The following NCOR2 variants were observed in gnomAD, a reference collection of about 807,000 sequenced individuals.
NCOR2 encodes the protein nuclear receptor corepressor 2.
NCOR2 carries 81 observed loss-of-function variants against 262.9 expected under a neutral mutation model. The ratio of observed to expected loss-of-function variants is 0.31; its 90% CI spans 0.26 to 0.37. NCOR2 has a LOEUF of 0.37. Ranked by LOEUF, NCOR2 falls within the 10% of genes least tolerant of loss-of-function variation. The pLI is 1.00. For synonymous variants in NCOR2, 1,659 were observed against 1,559.3 expected, an observed-to-expected ratio of 1.06 and a Z score of -1.51; for missense variants, 3,385 against 3,621.4, an observed-to-expected ratio of 0.93 and a Z score of 1.68.
At chr12:124,427,932 A>ACC (rs1270402656) in intron 10 of NCOR2, among the ~76,000 whole-genome samples, 1 of 151,758 alleles carries the variant, frequency 6.6e-6, no homozygotes, top group East Asian at 1.9e-4. Flanking sequence ...ACCTCAGGTC[A>ACC]CCCCAGGCTG....
At chr12:124,349,812 C>T (rs1025138372) in intron 28 of NCOR2, among the ~76,000 whole-genome samples, 3 of 152,160 alleles carry the variant, frequency 2.0e-5, no homozygotes, top group Non-Finnish European at 4.4e-5. Context: ...CCAGGCTTCC[C>T]GCCACCCCCA....
exon 4 of NCOR2, chr12:124,472,987 C>G (rs754166329): frequency 6.2e-7 from 1 of 1,614,218 alleles, no homozygotes; most frequent in Non-Finnish European, 8.5e-7. Flanking sequence ...TGCTGCTCTA[C>G]CATGGTGATC....
At chr12:124,332,328 G>C (rs377394425) in exon 43 of NCOR2, 1 of 1,614,034 alleles carries the variant, frequency 6.2e-7, no homozygotes, top group Non-Finnish European at 8.5e-7. Context: ...CTGTATTCAG[G>C]CTCATTCCGG....
chr12:124,377,872 G>A (rs998433090), intron 18 of NCOR2, among the ~76,000 whole-genome samples: 1 of 151,696 alleles, frequency 6.6e-6, no homozygotes, highest in Admixed American at 6.6e-5. Flanking sequence ...CTTTTCCAAA[G>A]TAAATTTTTT....
chr12:124,367,189 T>C (rs2039107243), intron 20 of NCOR2, among the ~76,000 whole-genome samples: 1 of 152,080 alleles, frequency 6.6e-6, no homozygotes, highest in Non-Finnish European at 1.5e-5. Context: ...GCCCCTCACC[T>C]AGTAGGGTGT....
intron 1 of NCOR2, chr12:124,561,910 G>C (rs1228830600): frequency 6.6e-6 from 1 of 152,198 alleles, no homozygotes; most frequent in African/African-American, 2.4e-5. Flanking sequence ...CAGCTATTTG[G>C]GAGGCTGAGG....
In NCOR2 at chr12:124,390,808, A is replaced by G. The variant is rs1232779974; in HGVS notation, c.1877-4921T>C. ...CCTGTGGTCTGGATTCCCCGACCCC[A>G]CTTCTAATTTCTAAGGAAGGAGTTT... On this transcript the variant is annotated intron_variant, in intron 16 of 46. Transcript: ENST00000405201. 6.6e-5 allele frequency among the ~76,000 whole-genome samples: 10 copies of G among 152,242 alleles called. No individual in the cohort carries two copies. The East Asian group carries it at 1.7e-3, about 26-fold the overall frequency.
Position 124,486,564 on chromosome 12 carries a change from A to G in NCOR2, c.110T>C (p.Val37Ala), listed in dbSNP as rs111807999. 62 of 1,571,164 alleles carry G rather than the reference A, an allele frequency of 3.9e-5. 4 individuals carry two copies. Among genetic ancestry groups the G allele is most frequent in the African/African-American group, 3.8e-4 (28 of 73,958 alleles). ...GTGGTGCTGGTACTCCAGGAGCCCG[A>G]CGTCCTGCAGGAGGGGACAGAGGAG... Residue 37 changes from valine (V) to alanine (A), a missense_variant, in exon 2 of 47, where the codon GTC becomes GCC. Physicochemically the swap from Val to Ala is moderately conservative, Grantham distance 64. Coordinates refer to ENST00000405201, the Ensembl canonical transcript of NCOR2.
intron 13 of NCOR2, among the ~76,000 whole-genome samples, chr12:124,409,212 C>T (rs1403215165): frequency 6.6e-6 from 1 of 152,246 alleles, no homozygotes; most frequent in Non-Finnish European, 1.5e-5. Flanking sequence ...ACCCGCAACT[C>T]GGCATCAAAT....
intron 7 of NCOR2, among the ~76,000 whole-genome samples, chr12:124,445,819 G>A (rs550759355): frequency 4.6e-5 from 7 of 152,352 alleles, no homozygotes; most frequent in African/African-American, 1.4e-4. Flanking sequence ...AATATTTGTC[G>A]AATGAATGAG....
At chr12:124,465,935 C>T (rs2046391841) in intron 5 of NCOR2, among the ~76,000 whole-genome samples, 2 of 152,224 alleles carry the variant, frequency 1.3e-5, no homozygotes, top group Non-Finnish European at 2.9e-5. Flanking sequence ...ATCCTGCTGA[C>T]CAGCCACAGT....
intron 41 of NCOR2, 39 bp downstream of exon 43, chr12:124,334,384 GC>G (rs766289776): frequency 6.9e-7 from 1 of 1,448,790 alleles, no homozygotes; most frequent in South Asian, 1.3e-5. Context: ...AAGGCCTCCC[GC>G]CGGCTGACCA....
At chr12:124,325,673 C>T in intron 46 of NCOR2, 90 bp from the exon 49 acceptor site, 1 of 880,020 alleles carries the variant, frequency 1.1e-6, no homozygotes, top group Non-Finnish European at 1.5e-6. Flanking sequence ...GAACAGAGGC[C>T]TCAGCGTTTC....
intron 1 of NCOR2, among the ~76,000 whole-genome samples, chr12:124,554,864 C>T (rs1038330860): frequency 7.2e-5 from 11 of 152,240 alleles, no homozygotes; most frequent in African/African-American, 2.7e-4. Context: ...TCCTGCACAG[C>T]AGAGCTGGCC....
intron 1 of NCOR2, among the ~76,000 whole-genome samples, chr12:124,491,071 C>T (rs762023483): frequency 1.1e-3 from 166 of 152,358 alleles, no homozygotes; most frequent in Admixed American, 1.9e-3. Flanking sequence ...GCACAGGCCA[C>T]GCCCACTCCC....
At chr12:124,415,072 C>T (rs1345566146) in intron 13 of NCOR2, among the ~76,000 whole-genome samples, 3 of 152,206 alleles carry the variant, frequency 2.0e-5, no homozygotes, top group African/African-American at 7.2e-5. Context: ...CCAAGAGTCC[C>T]AGATGCCTGT....
chr12:124,506,266 C>T (rs565749939), intron 1 of NCOR2, among the ~76,000 whole-genome samples: 4 of 152,328 alleles, frequency 2.6e-5, no homozygotes, highest in South Asian at 2.1e-4. Context: ...AGTCAGGATA[C>T]GGGTGCCCAA....
chr12:124,488,887 G>A (rs1392029403), intron 1 of NCOR2, among the ~76,000 whole-genome samples: 2 of 152,082 alleles, frequency 1.3e-5, no homozygotes, highest in African/African-American at 2.4e-5. Flanking sequence ...GGGGGCTGGG[G>A]AGGCCTCTGC....
chr12:124,359,613 C>T lies in NCOR2; in HGVS notation c.3100+2513G>A, dbSNP rs570681594. Among the ~76,000 whole-genome samples the T allele has an allele frequency of 1.8e-4, 28 of 152,368 alleles. 1 individual carries two copies. The South Asian group carries it at 5.4e-3, about 29-fold the overall frequency. On this transcript the variant is annotated intron_variant, in intron 22 of 46. Transcript: ENST00000405201. ...TCCTGCAAACGCCCTGGACCTGGCC[C>T]CTCTGGCTACCCAGCCCTGTAAGCC...
Sources: allele counts gnomAD v4.1 joint callset (sites outside exome capture counted in the v4.1 genomes callset), GRCh38; gene constraint gnomAD v4.1.1; transcripts MANE v1.5; gene names NCBI Gene and HGNC (gene_info 2026-07-23, HGNC 2026-07-21).